The following COL15A1 variants were observed in gnomAD, a reference collection of about 807,000 sequenced individuals.
COL15A1 encodes collagen type XV alpha 1 chain.
A neutral mutation model predicts 165.9 loss-of-function variants in COL15A1; 111 were observed. That is an observed-to-expected ratio of 0.67 (90% confidence interval 0.57 to 0.78). The LOEUF is 0.78. Among genes scored for constraint, COL15A1 ranks in the 30% least tolerant of loss-of-function variants. The probability of loss-of-function intolerance (pLI) is 0.00; values close to 1 mark genes in which losing one functional copy is unlikely to be tolerated. For missense variants in COL15A1, 1,745 were observed against 1,789.7 expected (o/e 0.98, Z 0.45); for synonymous variants, 659 against 674.8 (o/e 0.98, Z 0.36).
intron 2 of COL15A1, 32 bp downstream of exon 2, chr9:98,944,282 T>G: frequency 6.2e-7 from 1 of 1,601,764 alleles, no homozygotes; most frequent in African/African-American, 1.3e-5. Context: ...TGGCACCGGC[T>G]GCCTCCGCGC....
At chr9:99,005,279 G>A (rs1838739855) in intron 9 of COL15A1, among the ~76,000 whole-genome samples, 1 of 152,106 alleles carries the variant, frequency 6.6e-6, no homozygotes, top group African/African-American at 2.4e-5. Flanking sequence ...CAGAGGTGGG[G>A]TTTGTCCCAA....
intron 2 of COL15A1, among the ~76,000 whole-genome samples, chr9:98,975,035 G>C (rs540071880): frequency 6.6e-6 from 1 of 152,020 alleles, no homozygotes; most frequent in East Asian, 1.9e-4. Flanking sequence ...GGTTCACAGC[G>C]CAGGTGGAAA....
rs751216892 is a variant in COL15A1 at position 99,066,973 on chromosome 9, C to A, written c.3743C>A (p.Ser1248Tyr). 38 of 1,613,978 alleles carry A rather than the reference C, an allele frequency of 2.4e-5. No individual in the cohort carries two copies. In the African/African-American group the frequency reaches 4.5e-4, roughly 19 times the overall value. ...CAGGCCAGAGCTGCAGGACTGTTGT[C>A]CACCTACCGAGCATTCTTATCTTCC... ...FKQARAAGLL[S>Y]TYRAFLSSHL... The change falls in exon 40 of 42, where the codon TCC becomes TAC. Residue 1248 changes from serine (S) to tyrosine (Y), a missense_variant. Physicochemically the swap from Ser to Tyr is moderately radical, Grantham distance 144 (BLOSUM62 -2). Transcript: ENST00000375001.
intron 6 of COL15A1, 87 bp downstream of exon 6, chr9:98,997,168 A>C (rs577750703): frequency 1.3e-6 from 2 of 1,491,548 alleles, no homozygotes; most frequent in East Asian, 4.5e-5. Context: ...TAACATACAG[A>C]ATCTCATTTA....
At chr9:99,033,107 A>T (rs1839234861) in intron 16 of COL15A1, among the ~76,000 whole-genome samples, 1 of 152,192 alleles carries the variant, frequency 6.6e-6, no homozygotes, top group Admixed American at 6.5e-5. Context: ...TACTTGTGAA[A>T]TTGGGATCCT....
chr9:98,977,582 A>G (rs1428202029), intron 2 of COL15A1, among the ~76,000 whole-genome samples: 1 of 152,198 alleles, frequency 6.6e-6, no homozygotes, highest in African/African-American at 2.4e-5. Flanking sequence ...GGTTGCTGAG[A>G]GCAGAGCTGG....
chr9:99,035,178 T>C (rs367761814), intron 18 of COL15A1, 24 bp downstream of exon 18: 56 of 1,582,878 alleles, frequency 3.5e-5, no homozygotes, highest in Non-Finnish European at 4.8e-5. Context: ...TTTCTGTGGT[T>C]ATAAAAATGA....
At chr9:98,987,164 C>A (rs2118890730) in intron 3 of COL15A1, 130 bp from the exon 4 acceptor site, 1 of 863,648 alleles carries the variant, frequency 1.2e-6, no homozygotes, top group Admixed American at 2.0e-5. Flanking sequence ...GTGGTTGAGA[C>A]TGCAGGCTGT....
intron 2 of COL15A1, among the ~76,000 whole-genome samples, chr9:98,979,963 C>T (rs1490817465): frequency 1.3e-5 from 2 of 151,960 alleles, no homozygotes; most frequent in South Asian, 2.1e-4. Flanking sequence ...TCGAGACCAA[C>T]GTAGGCAATA....
chr9:99,000,563 A>G (rs1015056079), intron 6 of COL15A1, among the ~76,000 whole-genome samples: 21 of 152,306 alleles, frequency 1.4e-4, no homozygotes, highest in Middle Eastern at 3.4e-3. Context: ...AGTACTCAAA[A>G]CAACCCTATG....
chr9:99,059,775 C>T, intron 35 of COL15A1, 114 bp from the exon 36 acceptor site: 1 of 1,163,280 alleles, frequency 8.6e-7, no homozygotes, highest in South Asian at 1.4e-5. Flanking sequence ...AGTTGGGATG[C>T]TTTGTGGCGC....
At position 98,985,845 on chromosome 9, in the gene COL15A1, G is replaced by T. The variant is rs1838302652; in HGVS notation, c.381G>T (p.Val127=). The change falls in exon 3 of 42, where the codon GTG becomes GTT. Residue 127 remains valine, a synonymous_variant. Transcript: ENST00000375001. ...VIYLGLRLSG[V]EDGHQRIILY... ...ACCTGGGCCTGCGGCTCTCAGGTGT[G>T]GAGGACGGCCACCAGCGGATCATCC... 1 of 1,613,912 alleles carries T rather than the reference G, an allele frequency of 6.2e-7. No individual in the cohort carries two copies. The highest frequency in any genetic ancestry group is 1.3e-5 in the African/African-American group (1 of 75,062).
intron 9 of COL15A1, among the ~76,000 whole-genome samples, chr9:99,011,423 A>AAC (rs548063268): frequency 0.1 from 13,801 of 134,990 alleles, 1,009 homozygotes; most frequent in East Asian, 0.24. Flanking sequence ...AAAAAAAAAA[A>AAC]AGTCATTTTA....
At chr9:99,050,179 G>A (rs1455147170) in intron 30 of COL15A1, among the ~76,000 whole-genome samples, 2 of 152,184 alleles carry the variant, frequency 1.3e-5, no homozygotes, top group Non-Finnish European at 2.9e-5. Context: ...TTCATGCTTG[G>A]AGTAGTATAA....
chr9:98,948,210 C>T (rs991968253), intron 2 of COL15A1, among the ~76,000 whole-genome samples: 1 of 152,156 alleles, frequency 6.6e-6, no homozygotes, highest in Non-Finnish European at 1.5e-5. Context: ...GGGCCACAGA[C>T]AACTGTAATG....
intron 16 of COL15A1, among the ~76,000 whole-genome samples, chr9:99,026,714 C>T (rs1588521820): frequency 6.6e-6 from 1 of 152,190 alleles, no homozygotes; most frequent in East Asian, 1.9e-4. Context: ...CCTCCAAGAC[C>T]CAGTTCAGAT....
chr9:98,992,261 G>T (rs1201312813), intron 5 of COL15A1, among the ~76,000 whole-genome samples: 3 of 152,390 alleles, frequency 2.0e-5, no homozygotes, highest in East Asian at 3.9e-4. Flanking sequence ...CGGGAAGGCG[G>T]CTGAGGCCCA....
chr9:98,974,253 G>C (rs1173865698), intron 2 of COL15A1, among the ~76,000 whole-genome samples: 1 of 152,186 alleles, frequency 6.6e-6, no homozygotes, highest in South Asian at 2.1e-4. Context: ...GGCTTTGGAT[G>C]GGTGAGCATT....
chr9:99,028,473 G>T (rs894104473), intron 16 of COL15A1, among the ~76,000 whole-genome samples: 2 of 151,926 alleles, frequency 1.3e-5, no homozygotes, highest in African/African-American at 4.8e-5. Flanking sequence ...CAACATGGTG[G>T]AACTTCGTCT....
Sources: gnomAD v4.1 joint callset for allele counts (sites outside exome capture counted in the v4.1 genomes callset) on GRCh38, gnomAD v4.1.1 for gene constraint, MANE v1.5 for transcripts, NCBI Gene and HGNC (gene_info 2026-07-23, HGNC 2026-07-21) for gene names.